Variants in HELB observed in about 807,000 individuals in gnomAD.
HELB encodes the protein DNA 5'-3' helicase B.
In HELB, 96 loss-of-function variants were observed where a neutral mutation model predicts 101.7. That is an observed-to-expected ratio of 0.94 (90% CI 0.80 to 1.12). HELB has a LOEUF of 1.12. HELB is among the 50% of genes most tolerant of loss of function. HELB has a pLI of 0.00. For synonymous variants in HELB, 437 were observed against 459.7 expected (o/e 0.95, Z 0.63); for missense variants, 1,210 against 1,291.9 (o/e 0.94, Z 0.97).
chr12:66,320,997 T>C (rs7132724), intron 7 of HELB, among the ~76,000 whole-genome samples: 106,809 of 152,058 alleles, frequency 0.7, 37,981 homozygotes, highest in Middle Eastern at 0.83. Flanking sequence ...GAAATTCCTG[T>C]TCCGGAAGCC....
chr12:66,308,919 A>T (rs2053508834), intron 3 of HELB, among the ~76,000 whole-genome samples: 1 of 152,138 alleles, frequency 6.6e-6, no homozygotes, highest in Non-Finnish European at 1.5e-5. Context: ...AGGGCTCAGG[A>T]GTGATGTCTC....
In HELB at chr12:66,311,464, A is replaced by G. The variant is rs2053544516; in HGVS notation, c.1680+856A>G. ...GTGACAAAGTAAGACCTTGTCTAAA[A>G]ACAACAGCAAAAATTCAGTCCCACT... is the stretch of plus-strand genomic sequence containing the variant. On this transcript the variant is annotated intron_variant, in intron 4 of 12. Coordinates refer to ENST00000247815, the MANE Select transcript of HELB (RefSeq NM_001370285.1). 2.0e-5 allele frequency among the ~76,000 whole-genome samples: 3 copies of G among 152,232 alleles called. No individual in the cohort carries two copies. In the South Asian group the frequency reaches 6.2e-4, roughly 31 times the overall value.
rs764097774 is a variant in HELB, at chr12:66,305,000, A to C, written c.457A>C (p.Asn153His). The change falls in exon 2 of 13, where the codon AAC (asparagine) becomes CAC (histidine). Residue 153 changes from asparagine (N) to histidine (H), a missense_variant. Coordinates refer to ENST00000247815, the MANE Select transcript of HELB (RefSeq NM_001370285.1). ...KFLTWVKEVS[N>H]YKNLNFENLR... Reference sequence around the variant, plus strand: ...TTTAACATGGGTAAAGGAGGTATCAAACTACAAAAACCTAAACTTTGAAAA... The same window carrying C: ...TTTAACATGGGTAAAGGAGGTATCACACTACAAAAACCTAAACTTTGAAAA... 13 of 1,613,938 alleles carry C rather than the reference A, an allele frequency of 8.1e-6. No individual in the cohort carries two copies. The highest frequency in any genetic ancestry group is 1.1e-5 in the Non-Finnish European group (13 of 1,179,980).
At chr12:66,305,736 C>T (rs2053467462) in intron 2 of HELB, among the ~76,000 whole-genome samples, 1 of 123,198 alleles carries the variant, frequency 8.1e-6, no homozygotes, top group Non-Finnish European at 1.8e-5. Context: ...GAGTGAGACA[C>T]CGTCTCAGTT....
At chr12:66,332,301 C>T (rs2053819287) in intron 12 of HELB, among the ~76,000 whole-genome samples, 2 of 152,196 alleles carry the variant, frequency 1.3e-5, no homozygotes, top group Admixed American at 6.5e-5. Flanking sequence ...CCTGGCTGCC[C>T]TCCCCTTTCT....
At chr12:66,322,084 T>G in intron 8 of HELB, 55 bp downstream of exon 8, 1 of 682,870 alleles carries the variant, frequency 1.5e-6, no homozygotes, top group Admixed American at 2.7e-5. Flanking sequence ...ATCTCATAAC[T>G]TATTAATATA....
intron 7 of HELB, 132 bp from the exon 8 acceptor site, chr12:66,321,816 G>A (rs555005718): frequency 1.8e-6 from 1 of 553,748 alleles, no homozygotes; most frequent in African/African-American, 1.9e-5. Context: ...ACATTCCCAT[G>A]GTGAACTTGT....
chr12:66,324,990 C>G lies in HELB; in HGVS notation c.2534C>G (p.Thr845Ser). The G allele has an allele frequency of 4.3e-6, 7 of 1,612,138 alleles. No homozygotes were observed. The highest frequency in any genetic ancestry group is 4.2e-6 in the Non-Finnish European group (5 of 1,178,442). Residue 845 changes from threonine to serine, a missense_variant, in exon 11 of 13, where the codon ACT becomes AGT. Coordinates refer to ENST00000247815, the MANE Select transcript of HELB (RefSeq NM_001370285.1). ...GEIFFITNDV[T>S]DVTFGKRRSL... is the part of the protein sequence containing the mutation. ...TCTTTGGTTTGGTGACAGGATGTAA[C>G]TGATGTAACTTTTGGAAAGAGAAGA... is the stretch of plus-strand genomic sequence containing the variant.
intron 11 of HELB, among the ~76,000 whole-genome samples, chr12:66,330,224 T>C (rs2053789474): frequency 6.6e-6 from 1 of 152,220 alleles, no homozygotes; most frequent in Admixed American, 6.5e-5. Context: ...TGAAATTGTT[T>C]TCTTACAGTT....
intron 11 of HELB, among the ~76,000 whole-genome samples, chr12:66,327,860 A>G (rs2053760273): frequency 6.6e-6 from 1 of 152,234 alleles, no homozygotes; most frequent in African/African-American, 2.4e-5. Context: ...TGTGGAAAAG[A>G]GGTGGGAGTG....
At chr12:66,340,384 T>G (rs919803972), downstream of HELB, 2 of 152,212 alleles carry the variant, frequency 1.3e-5, no homozygotes, top group African/African-American at 2.4e-5. Flanking sequence ...GTTAAATAGC[T>G]TTCGTGTGAC....
In HELB at chr12:66,324,008, G is replaced by A. The variant is rs968605061; in HGVS notation, c.2323G>A (p.Gly775Arg). ...AGACCATCAGAGTAGACTTGTTTTT[G>A]GAATTGGTGATAAAATTTGTTGTAC... ...TKDHQSRLVF[G>R]IGDKICCTRN... The change falls in exon 10 of 13, where the codon GGA becomes AGA. Residue 775 changes from glycine (G) to arginine (R), a missense_variant. By Grantham distance (125) the Gly-to-Arg change is moderately radical. Coordinates refer to ENST00000247815, the MANE Select transcript of HELB (RefSeq NM_001370285.1). 6.2e-7 allele frequency: 1 copy of A among 1,611,654 alleles called. No individual in the cohort carries two copies. Among genetic ancestry groups the A allele is most frequent in the Non-Finnish European group, 8.5e-7 (1 of 1,178,168 alleles).
rs202166735 is a variant in HELB at position 66,314,501 on chromosome 12, GC to G, written c.1858+340del. 2.0e-5 allele frequency among the ~76,000 whole-genome samples: 3 copies of G among 152,026 alleles called. No homozygotes were observed. In the East Asian group the frequency reaches 5.8e-4, roughly 29 times the overall value. On this transcript the variant is annotated intron_variant, in intron 5 of 12. Transcript: ENST00000247815. ...AAATGATAAAAAGTTTGAATTATAG[GC>G]CACTTAAAAGTAATTTCATAATGCT...
At chr12:66,325,162 T>A (rs758968040) in intron 11 of HELB, 36 bp downstream of exon 11, 1 of 1,452,096 alleles carries the variant, frequency 6.9e-7, no homozygotes, top group Non-Finnish European at 9.5e-7. Flanking sequence ...TTTAAATAAT[T>A]TACCAACCTT....
chr12:66,331,994 A>G (rs1020979200), intron 12 of HELB, among the ~76,000 whole-genome samples: 1 of 152,198 alleles, frequency 6.6e-6, no homozygotes, highest in Non-Finnish European at 1.5e-5. Flanking sequence ...GGAATTAGAG[A>G]TAAGTGAGTG....
chr12:66,340,687 G>T, downstream of HELB: 1 of 182,960 alleles, frequency 5.5e-6, no homozygotes, highest in Non-Finnish European at 1.1e-5. Context: ...GCAAGCCTGA[G>T]GAGCAAGGAT....
At chr12:66,326,871 A>G (rs1221805420) in intron 11 of HELB, among the ~76,000 whole-genome samples, 1 of 149,746 alleles carries the variant, frequency 6.7e-6, no homozygotes, top group East Asian at 2.0e-4. Context: ...CATCTCTACT[A>G]AAAAATACAA....
Position 66,337,991 on chromosome 12 carries a change from G to A in HELB, c.3163-10G>A. ...CAAAATTAACTTTGTTATTTTAATT[G>A]TTCTAACAGGTGGGAGAATCTCCAC... is the stretch of plus-strand genomic sequence containing the variant. On this transcript the variant is annotated splice_polypyrimidine_tract_variant and intron_variant, in intron 12 of 12. Coordinates refer to ENST00000247815, the MANE Select transcript of HELB (RefSeq NM_001370285.1). The A allele has an allele frequency of 6.9e-7, 1 of 1,458,710 alleles. No homozygotes were observed. Among genetic ancestry groups the A allele is most frequent in the Non-Finnish European group, 9.6e-7 (1 of 1,043,388 alleles). 90.4% of individuals were successfully genotyped at this position (1,458,710 alleles called of 1,614,324 possible).
Position 66,306,466 on chromosome 12 carries a change from GAT to G in HELB, c.731_732del (p.Ile244ArgfsTer14). ...GSGSKEMLKE[I>X]EEILGTHPWK... The stretch of plus-strand genomic sequence containing the variant: ...CAGGTTCTAAAGAGATGTTGAAAGA[GAT>G]AGAAGAGATTTTAGGTACACATCCG... On this transcript the variant is annotated frameshift_variant, in exon 3 of 13. Coordinates refer to ENST00000247815, the MANE Select transcript of HELB (RefSeq NM_001370285.1). LOFTEE classifies it high-confidence loss of function. The G allele has an allele frequency of 6.2e-7, 1 of 1,603,926 alleles. No individual in the cohort carries two copies. The highest frequency in any genetic ancestry group is 8.5e-7 in the Non-Finnish European group (1 of 1,175,688).
Sources: allele counts gnomAD v4.1 joint callset (sites outside exome capture counted in the v4.1 genomes callset), GRCh38; gene constraint gnomAD v4.1.1; transcripts MANE v1.5; gene names NCBI Gene and HGNC (gene_info 2026-07-23, HGNC 2026-07-21).